The following FBXO34 variants were observed in gnomAD, a reference collection of about 807,000 sequenced individuals.
FBXO34 encodes the protein F-box protein 34, also known as F-box only protein 34.
Under a neutral mutation model 24.5 loss-of-function variants are expected in FBXO34, and 12 were observed. That is an observed-to-expected ratio of 0.49 (90% confidence interval 0.31 to 0.79). The LOEUF (loss-of-function observed/expected upper bound fraction) is 0.79. Among genes scored for constraint, FBXO34 ranks in the 30% least tolerant of loss-of-function variants. The pLI is 0.04. For missense variants in FBXO34, 823 were observed against 857.7 expected (o/e 0.96, Z 0.51); for synonymous variants, 320 against 311.9 (o/e 1.03, Z -0.27).
intron 1 of FBXO34, among the ~76,000 whole-genome samples, chr14:55,306,389 A>G (rs978627413): frequency 4.6e-5 from 7 of 152,212 alleles, no homozygotes; most frequent in Non-Finnish European, 1.0e-4. Flanking sequence ...TAGAGTTGCA[A>G]TGCTTATATG....
chr14:55,355,744 C>T (rs944829093), downstream of FBXO34, among the ~76,000 whole-genome samples: 1 of 152,240 alleles, frequency 6.6e-6, no homozygotes. Flanking sequence ...GCACTCAACT[C>T]AGAGGGCATC....
At chr14:55,433,407 C>T in the FBXO34 span, among the ~76,000 whole-genome samples, 1 of 150,656 alleles carries the variant, frequency 6.6e-6, no homozygotes, top group Non-Finnish European at 1.5e-5. Flanking sequence ...CCTGCTTAGG[C>T]CTCCCAAAGT....
intron 1 of FBXO34, among the ~76,000 whole-genome samples, chr14:55,307,082 T>C (rs1330850724): frequency 6.6e-6 from 1 of 152,252 alleles, no homozygotes; most frequent in Non-Finnish European, 1.5e-5. Flanking sequence ...TGTTCTGAAT[T>C]GCTATGTATA....
chr14:55,306,713 A>G (rs1375519199), intron 1 of FBXO34, among the ~76,000 whole-genome samples: 2 of 152,170 alleles, frequency 1.3e-5, no homozygotes, highest in African/African-American at 4.8e-5. Context: ...CACGCCTGTA[A>G]TCCCAGCTGT....
downstream of FBXO34, among the ~76,000 whole-genome samples, chr14:55,364,075 C>T (rs755376214): frequency 2.6e-5 from 4 of 151,682 alleles, no homozygotes; most frequent in Admixed American, 6.6e-5. Context: ...CTCAGCCTCC[C>T]GAGTAGCTGG....
chr14:55,431,145 G>A, the FBXO34 span, among the ~76,000 whole-genome samples: 1 of 152,194 alleles, frequency 6.6e-6, no homozygotes, highest in Non-Finnish European at 1.5e-5. Context: ...TACAACAAAA[G>A]AGAATAGGTT....
chr14:55,365,245 A>C (rs956872027), downstream of FBXO34, among the ~76,000 whole-genome samples: 4 of 149,964 alleles, frequency 2.7e-5, no homozygotes, highest in Middle Eastern at 3.4e-3. Flanking sequence ...AAAAAAAAAA[A>C]CAAAAATGGG....
At chr14:55,332,484 C>T (rs1198100994) in intron 1 of FBXO34, among the ~76,000 whole-genome samples, 1 of 152,148 alleles carries the variant, frequency 6.6e-6, no homozygotes, top group Non-Finnish European at 1.5e-5. Flanking sequence ...TTCTGTTTTG[C>T]ATCTGGGTAA....
Position 55,350,901 on chromosome 14 carries a change from A to G in FBXO34, c.511A>G (p.Asn171Asp), listed in dbSNP as rs1391212788. The change falls in exon 2 of 2, where the codon AAC (asparagine) becomes GAC (aspartate). Residue 171 changes from asparagine (N) to aspartate (D), a missense_variant. Physicochemically the swap from Asn to Asp is conservative, Grantham distance 23. This residue lies in a region of FBXO34 where 693 missense variants were observed against 659.1 expected (regional missense o/e 1.05). Transcript: ENST00000313833. ...ACAGGTGGAAAGGATGAGGGAGGTT[A>G]ACAGCAGGTGCTACCAACCTGAGCC... ...KVQVERMREVNSRCYQPEPFA... is the reference protein window; with the variant it reads ...KVQVERMREVDSRCYQPEPFA... The G allele has an allele frequency of 6.2e-7, 1 of 1,613,794 alleles. No individual in the cohort carries two copies. Among genetic ancestry groups the G allele is most frequent in the Admixed American group, 1.7e-5 (1 of 59,986 alleles).
chr14:55,289,169 C>T (rs952293596), intron 1 of FBXO34, among the ~76,000 whole-genome samples: 1 of 151,904 alleles, frequency 6.6e-6, no homozygotes, highest in Non-Finnish European at 1.5e-5. Flanking sequence ...GAGTTCTTAG[C>T]CTTCTCTTTT....
chr14:55,424,455 T>C, the FBXO34 span, among the ~76,000 whole-genome samples: 4 of 152,204 alleles, frequency 2.6e-5, no homozygotes, highest in African/African-American at 9.6e-5. Context: ...ATAATTAATT[T>C]TGGGTCATAA....
chr14:55,430,924 G>A, the FBXO34 span, among the ~76,000 whole-genome samples: 1 of 152,324 alleles, frequency 6.6e-6, no homozygotes, highest in South Asian at 2.1e-4. Context: ...TAGTCCTGTA[G>A]TTTCTTGGGA....
chr14:55,380,690 T>C, the FBXO34 span: 1 of 1,591,236 alleles, frequency 6.3e-7, no homozygotes, highest in Non-Finnish European at 8.6e-7. Context: ...CTGCTCCATG[T>C]CTGCAGTAAG....
intron 1 of FBXO34, among the ~76,000 whole-genome samples, chr14:55,324,366 T>C (rs1482094429): frequency 6.6e-6 from 1 of 152,224 alleles, no homozygotes; most frequent in South Asian, 2.1e-4. Context: ...TGTCACCACC[T>C]TTTATCTATT....
At chr14:55,310,298 T>C (rs77287837) in intron 1 of FBXO34, among the ~76,000 whole-genome samples, 1,708 of 152,332 alleles carry the variant, frequency 0.011, 16 homozygotes, top group Middle Eastern at 0.027. Context: ...CTGTGCAAAT[T>C]GGCAAAATTT....
intron 1 of FBXO34, among the ~76,000 whole-genome samples, chr14:55,329,174 C>CTTTTTTT (rs1023550108): frequency 8.4e-6 from 1 of 118,454 alleles, no homozygotes; most frequent in Non-Finnish European, 1.9e-5. Flanking sequence ...CAGCTGAGTT[C>CTTTTTTT]TTTTCTCATA....
At chr14:55,370,794 C>T (rs1884798957), downstream of FBXO34, among the ~76,000 whole-genome samples, 1 of 152,038 alleles carries the variant, frequency 6.6e-6, no homozygotes. Flanking sequence ...GCACCTGCCA[C>T]CATGCCCGGC....
At chr14:55,400,913 TA>T in the FBXO34 span, among the ~76,000 whole-genome samples, 1 of 68,288 alleles carries the variant, frequency 1.5e-5, no homozygotes, top group African/African-American at 4.1e-5. Flanking sequence ...AATAAATAAA[TA>T]AAATAAAATA....
chr14:55,317,906 G>A (rs1425715591), intron 1 of FBXO34, among the ~76,000 whole-genome samples: 1 of 152,120 alleles, frequency 6.6e-6, no homozygotes, highest in Non-Finnish European at 1.5e-5. Flanking sequence ...TGCAAGGGTA[G>A]GTATTTGCCT....
Sources: gnomAD v4.1 joint callset for allele counts (sites outside exome capture counted in the v4.1 genomes callset) on GRCh38, gnomAD v4.1.1 for gene constraint, gnomAD v4.1.1 regional missense constraint, MANE v1.5 for transcripts, NCBI Gene and HGNC (gene_info 2026-07-23, HGNC 2026-07-21) for gene names.